Variants in ARNT2 observed in about 807,000 individuals in gnomAD.
ARNT2 encodes the protein aryl hydrocarbon receptor nuclear translocator 2, also known as ARNT protein 2.
A neutral mutation model predicts 91.7 loss-of-function variants in ARNT2; 36 were observed. The observed-to-expected ratio is 0.39, with a 90% CI of 0.30 to 0.52. The LOEUF is 0.52. Among genes scored for constraint, ARNT2 ranks in the 20% least tolerant of loss-of-function variants. ARNT2 has a pLI of 0.72. For synonymous variants in ARNT2, 365 were observed against 347.1 expected, an observed-to-expected ratio of 1.05 and a Z score of -0.57; for missense variants, 775 against 939.3, an observed-to-expected ratio of 0.83 and a Z score of 2.29.
At chr15:80,502,547 G>A (rs1897215339) in intron 5 of ARNT2, among the ~76,000 whole-genome samples, 1 of 152,210 alleles carries the variant, frequency 6.6e-6, no homozygotes, top group African/African-American at 2.4e-5. Flanking sequence ...GAGTCTGGAA[G>A]GAGCGTGTCA....
chr15:80,505,246 G>A (rs542835614), intron 5 of ARNT2, among the ~76,000 whole-genome samples: 3 of 152,310 alleles, frequency 2.0e-5, no homozygotes, highest in East Asian at 1.9e-4. Flanking sequence ...AGCCATAATC[G>A]TTTTTGTGTT....
At chr15:80,462,082 TG>T (rs1025549698) in intron 3 of ARNT2, among the ~76,000 whole-genome samples, 4 of 152,158 alleles carry the variant, frequency 2.6e-5, no homozygotes, top group South Asian at 2.1e-4. Flanking sequence ...CTGGTGTGCC[TG>T]GGAGGCAGAT....
chr15:80,442,309 G>A (rs912029565), intron 1 of ARNT2, among the ~76,000 whole-genome samples: 1 of 152,170 alleles, frequency 6.6e-6, no homozygotes, highest in Non-Finnish European at 1.5e-5. Context: ...CATAGGGGTG[G>A]TGTCCTCCAG....
intron 8 of ARNT2, among the ~76,000 whole-genome samples, chr15:80,547,720 G>T (rs1304119346): frequency 6.6e-6 from 1 of 152,108 alleles, no homozygotes; most frequent in African/African-American, 2.4e-5. Context: ...TGGAAAGCTT[G>T]TATCTGTCAC....
Position 80,573,329 on chromosome 15 carries a change from T to TTTTA in ARNT2, c.1317-803_1317-800dup, listed in dbSNP as rs548220903. The stretch of plus-strand genomic sequence containing the variant: ...ACATACAGTACATGTATATTTGTCC[T>TTTTA]TTTATTTATTTATTTATTTTGCTTG... On this transcript the variant is annotated intron_variant, in intron 12 of 18. Transcript: ENST00000303329. 1.1e-4 allele frequency among the ~76,000 whole-genome samples: 17 copies of TTTTA among 152,338 alleles called. No homozygotes were observed. In the East Asian group the frequency reaches 2.5e-3, roughly 22 times the overall value.
At chr15:80,569,961 A>G (rs1482870277) in intron 12 of ARNT2, among the ~76,000 whole-genome samples, 1 of 152,240 alleles carries the variant, frequency 6.6e-6, no homozygotes, top group African/African-American at 2.4e-5. Flanking sequence ...CATCATGGGG[A>G]GTTCACTGCT....
At position 80,514,320 on chromosome 15, in the gene ARNT2, G is replaced by A; in HGVS notation, c.792G>A (p.Arg264=). The change falls in exon 8 of 19, where the codon AGG becomes AGA. Residue 264 remains arginine (R), a splice_region_variant and synonymous_variant. Coordinates refer to ENST00000303329, the MANE Select transcript of ARNT2 (RefSeq NM_014862.4). ...CAATTTCACAAATGTTCTTTTTTAG[G>A]AATGGCCTTGGCCCTGTGAAAGAAG... ...NRITTMRKRF[R]NGLGPVKEGE... 6.2e-7 allele frequency: 1 copy of A among 1,614,052 alleles called. No homozygotes were observed. The highest frequency in any genetic ancestry group is 8.5e-7 in the Non-Finnish European group (1 of 1,179,972).
At chr15:80,495,726 CCCAGCCCACCTCT>C (rs983139960) in intron 5 of ARNT2, among the ~76,000 whole-genome samples, 1 of 152,144 alleles carries the variant, frequency 6.6e-6, no homozygotes, top group African/African-American at 2.4e-5. Context: ...GGGGTTGGGC[CCCAGCCCACCTCT>C]CCAGCCCCTC....
intron 8 of ARNT2, among the ~76,000 whole-genome samples, chr15:80,539,097 A>G (rs1414780884): frequency 6.6e-6 from 1 of 152,082 alleles, no homozygotes; most frequent in Non-Finnish European, 1.5e-5. Context: ...TGCACCCCAA[A>G]TGGTTCCAGG....
At chr15:80,479,682 G>C (rs1896857268) in intron 5 of ARNT2, among the ~76,000 whole-genome samples, 1 of 152,134 alleles carries the variant, frequency 6.6e-6, no homozygotes, top group Non-Finnish European at 1.5e-5. Flanking sequence ...TTGGAGGAGG[G>C]GGACTGGTGA....
At chr15:80,481,416 A>T (rs193071479) in intron 5 of ARNT2, among the ~76,000 whole-genome samples, 3 of 152,194 alleles carry the variant, frequency 2.0e-5, no homozygotes, top group African/African-American at 7.2e-5. Flanking sequence ...TATTCTTCTC[A>T]TTAAACCATC....
chr15:80,498,815 G>C (rs2141416837), intron 5 of ARNT2, among the ~76,000 whole-genome samples: 1 of 152,348 alleles, frequency 6.6e-6, no homozygotes, highest in Admixed American at 6.5e-5. Flanking sequence ...CCCTGCAGAT[G>C]GCTGACCTCC....
intron 11 of ARNT2, among the ~76,000 whole-genome samples, chr15:80,558,853 G>A (rs117499408): frequency 0.018 from 2,722 of 152,282 alleles, 38 homozygotes; most frequent in East Asian, 0.097. Context: ...ACTTTGCATC[G>A]TTTAGCAGTC....
chr15:80,438,210 C>G (rs1896123406), intron 1 of ARNT2, among the ~76,000 whole-genome samples: 1 of 152,162 alleles, frequency 6.6e-6, no homozygotes, highest in Non-Finnish European at 1.5e-5. Flanking sequence ...TTGCCCGCTG[C>G]TAGATACTCC....
chr15:80,424,005 G>A (rs111488293), intron 1 of ARNT2, among the ~76,000 whole-genome samples: 290 of 152,338 alleles, frequency 1.9e-3, no homozygotes, highest in African/African-American at 6.4e-3. Context: ...CCCACCTTGT[G>A]TTGGTTTTAT....
intron 1 of ARNT2, among the ~76,000 whole-genome samples, chr15:80,443,508 G>A (rs960270064): frequency 1.3e-5 from 2 of 152,276 alleles, no homozygotes; most frequent in African/African-American, 2.4e-5. Context: ...GAGACCTCTC[G>A]GAGGTAGCAG....
intron 12 of ARNT2, among the ~76,000 whole-genome samples, chr15:80,571,981 TA>T (rs898396796): frequency 6.6e-6 from 1 of 152,194 alleles, no homozygotes; most frequent in Non-Finnish European, 1.5e-5. Flanking sequence ...TGAGATAATG[TA>T]AACACCTGTC....
In ARNT2 at chr15:80,530,952, A is replaced by G. The variant is rs530097753; in HGVS notation, c.877+16547A>G. Among the ~76,000 whole-genome samples the G allele has an allele frequency of 5.3e-5, 8 of 152,344 alleles. No individual in the cohort carries two copies. The East Asian group carries it at 1.5e-3, about 29-fold the overall frequency. ...ACAGTTGCATATTAAATTCTCTTAG[A>G]CTTCTACAGTGATGAAATCTCTTTA... On this transcript the variant is annotated intron_variant, in intron 8 of 18. Coordinates refer to ENST00000303329, the MANE Select transcript of ARNT2 (RefSeq NM_014862.4).
intron 2 of ARNT2, among the ~76,000 whole-genome samples, chr15:80,457,094 C>A (rs904501399): frequency 6.6e-6 from 1 of 152,012 alleles, no homozygotes; most frequent in African/African-American, 2.4e-5. Flanking sequence ...CAATTAAGTA[C>A]CCCCTCTGCC....
Sources: gnomAD v4.1 joint callset for allele counts (sites outside exome capture counted in the v4.1 genomes callset) on GRCh38, gnomAD v4.1.1 for gene constraint, MANE v1.5 for transcripts, NCBI Gene and HGNC (gene_info 2026-07-23, HGNC 2026-07-21) for gene names.